Variants in ACSL3 observed in about 807,000 individuals in gnomAD.
The protein encoded by ACSL3 is acyl-CoA synthetase long chain family member 3, also known as fatty acid CoA ligase Acsl3.
ACSL3 carries 34 observed loss-of-function variants against 84.7 expected under a neutral mutation model. The ratio of observed to expected loss-of-function variants is 0.40; its 90% CI spans 0.31 to 0.53. ACSL3 has a LOEUF of 0.53. Among genes scored for constraint, ACSL3 ranks in the 20% least tolerant of loss-of-function variants. The probability of loss-of-function intolerance (pLI) is 0.48; values close to 1 mark genes in which losing one functional copy is unlikely to be tolerated. For missense variants in ACSL3, 680 were observed against 873.1 expected (o/e 0.78, Z 2.79); for synonymous variants, 315 against 299.4 (o/e 1.05, Z -0.54).
chr2:222,918,177 T>A (rs950126808), intron 6 of ACSL3, 22 bp downstream of exon 6: 1 of 1,507,254 alleles, frequency 6.6e-7, no homozygotes, highest in African/African-American at 1.4e-5. Context: ...AGTTACTTTC[T>A]AACTGTCTGA....
At chr2:222,918,684 C>T (rs1696649516) in intron 6 of ACSL3, among the ~76,000 whole-genome samples, 1 of 145,930 alleles carries the variant, frequency 6.9e-6, no homozygotes, top group Admixed American at 6.8e-5. Flanking sequence ...AAATTTTGAA[C>T]AAGTTTGCAT....
intron 6 of ACSL3, among the ~76,000 whole-genome samples, chr2:222,918,505 A>G (rs778606203): frequency 6.6e-6 from 1 of 151,688 alleles, no homozygotes. Context: ...CTTCTGAAGC[A>G]TTAAGTAATT....
At chr2:222,921,026 A>C (rs1045421775) in intron 7 of ACSL3, 1 of 584,684 alleles carries the variant, frequency 1.7e-6, no homozygotes, top group Non-Finnish European at 3.3e-6. Context: ...AATAGCATCT[A>C]TTGTCATCTT....
chr2:222,880,200 T>G (rs16864214), intron 1 of ACSL3, among the ~76,000 whole-genome samples: 13,170 of 152,214 alleles, frequency 0.087, 874 homozygotes, highest in African/African-American at 0.18. Context: ...TTTCTCAAAG[T>G]TTTTTCTTCT....
At chr2:222,913,557 C>T (rs542379848) in intron 4 of ACSL3, among the ~76,000 whole-genome samples, 1 of 152,196 alleles carries the variant, frequency 6.6e-6, no homozygotes, top group Non-Finnish European at 1.5e-5. Flanking sequence ...CTTACAGCCT[C>T]CCCCCGCCTT....
intron 1 of ACSL3, among the ~76,000 whole-genome samples, chr2:222,873,887 T>TC (rs1695372486): frequency 6.6e-6 from 1 of 152,186 alleles, no homozygotes; most frequent in African/African-American, 2.4e-5. Flanking sequence ...GTGGAATTGT[T>TC]TGGTCAAAAG....
At chr2:222,907,983 A>G (rs1488545132) in intron 3 of ACSL3, among the ~76,000 whole-genome samples, 1 of 152,096 alleles carries the variant, frequency 6.6e-6, no homozygotes, top group Non-Finnish European at 1.5e-5. Flanking sequence ...ACCATCTGGC[A>G]CGTACACATG....
intron 1 of ACSL3, among the ~76,000 whole-genome samples, chr2:222,877,704 G>A (rs1014726186): frequency 6.6e-6 from 1 of 152,148 alleles, no homozygotes; most frequent in Non-Finnish European, 1.5e-5. Flanking sequence ...TACATCATGT[G>A]TTAGATTACA....
intron 1 of ACSL3, among the ~76,000 whole-genome samples, chr2:222,864,519 C>T (rs989639150): frequency 1.3e-5 from 2 of 151,838 alleles, no homozygotes; most frequent in African/African-American, 4.9e-5. Flanking sequence ...TGAGTCAGTA[C>T]TGTGGAATGC....
intron 16 of ACSL3, among the ~76,000 whole-genome samples, chr2:222,935,950 CT>C (rs1285510039): frequency 6.6e-6 from 1 of 152,110 alleles, no homozygotes; most frequent in African/African-American, 2.4e-5. Flanking sequence ...TTCCCTCCAC[CT>C]TTTTACTTTA....
At chr2:222,878,124 C>T (rs1695498281) in intron 1 of ACSL3, among the ~76,000 whole-genome samples, 1 of 152,180 alleles carries the variant, frequency 6.6e-6, no homozygotes, top group African/African-American at 2.4e-5. Context: ...CTCTGCATCC[C>T]TGCCACCTAG....
intron 16 of ACSL3, among the ~76,000 whole-genome samples, chr2:222,939,674 G>A (rs1697255877): frequency 2.0e-5 from 3 of 152,152 alleles, no homozygotes; most frequent in Admixed American, 2.0e-4. Context: ...TCTGGCAAGC[G>A]AATGCCTTGC....
Position 222,874,024 on chromosome 2 carries a change from A to G in ACSL3, c.-207+12766A>G, listed in dbSNP as rs1695376381. Reference sequence around the variant, plus strand: ...CACCTGTACTTGGATTTATTTTTTTATTTTTATTTTTTTTTGAGACGGAGT... The same window carrying G: ...CACCTGTACTTGGATTTATTTTTTTGTTTTTATTTTTTTTTGAGACGGAGT... On this transcript the variant is annotated intron_variant, in intron 1 of 16. Transcript: ENST00000357430. Among the ~76,000 whole-genome samples the G allele has an allele frequency of 2.0e-5, 3 of 151,788 alleles. No individual in the cohort carries two copies. In the South Asian group the frequency reaches 6.2e-4, roughly 32 times the overall value.
intron 4 of ACSL3, 45 bp downstream of exon 4, chr2:222,909,195 T>C (rs1204250969): frequency 6.4e-7 from 1 of 1,554,846 alleles, no homozygotes; most frequent in Non-Finnish European, 8.7e-7. Context: ...GAATAAAATA[T>C]CCTGTTAGAA....
chr2:222,887,315 A>G (rs1197951990), intron 1 of ACSL3, among the ~76,000 whole-genome samples: 1 of 152,134 alleles, frequency 6.6e-6, no homozygotes, highest in African/African-American at 2.4e-5. Context: ...CAGTTTATAT[A>G]TCCATTACTT....
chr2:222,930,903 T>G, intron 14 of ACSL3, 91 bp downstream of exon 14: 1 of 1,145,072 alleles, frequency 8.7e-7, no homozygotes, highest in Non-Finnish European at 1.2e-6. Flanking sequence ...CTGAATAATA[T>G]AAATCTTTAT....
At chr2:222,872,067 A>G (rs773308901) in intron 1 of ACSL3, among the ~76,000 whole-genome samples, 1 of 152,168 alleles carries the variant, frequency 6.6e-6, no homozygotes, top group African/African-American at 2.4e-5. Flanking sequence ...AAAAGTTCAT[A>G]ATTTAGAATA....
intron 16 of ACSL3, among the ~76,000 whole-genome samples, chr2:222,936,897 A>G (rs982796127): frequency 2.0e-5 from 3 of 152,082 alleles, no homozygotes; most frequent in South Asian, 2.1e-4. Context: ...AAGAGCCCCT[A>G]AAACCATCAG....
intron 1 of ACSL3, among the ~76,000 whole-genome samples, chr2:222,862,305 A>T (rs1695035232): frequency 6.6e-6 from 1 of 152,152 alleles, no homozygotes; most frequent in African/African-American, 2.4e-5. Context: ...GATCTCAGCT[A>T]GTAAGAAGCT....
Sources: gnomAD v4.1 joint callset for allele counts (sites outside exome capture counted in the v4.1 genomes callset) on GRCh38, gnomAD v4.1.1 for gene constraint, MANE v1.5 for transcripts, NCBI Gene and HGNC (gene_info 2026-07-23, HGNC 2026-07-21) for gene names.